The following OR9Q1 variants were observed in gnomAD, a reference collection of about 807,000 sequenced individuals.
The protein encoded by OR9Q1 is olfactory receptor 9Q1.
For synonymous variants in OR9Q1, 153 were observed against 148.6 expected (o/e 1.03, Z -0.22); for missense variants, 374 against 378.8 (o/e 0.99, Z 0.11).
At chr11:58,047,675 C>A (rs1490196342) in intron 1 of OR9Q1, 1 of 150,226 alleles carries the variant, frequency 6.7e-6, no homozygotes, top group African/African-American at 2.5e-5. Context: ...AGTTTCAGAC[C>A]AGCCTGGCCA....
Position 58,065,145 on chromosome 11 carries a change from C to T in OR9Q1, c.-15+9198C>T, listed in dbSNP as rs1853416068. ...CTATGGAGTGGACGGGACACGTAAA[C>T]AGGAAGACACATGGACTGGGATAGG... On this transcript the variant is annotated intron_variant, in intron 2 of 2. Coordinates refer to ENST00000335397, the MANE Select transcript of OR9Q1 (RefSeq NM_001005212.4). Among the ~76,000 whole-genome samples the T allele has an allele frequency of 1.3e-5, 2 of 152,070 alleles. 1 individual carries two copies. The highest frequency in any genetic ancestry group is 4.2e-4 in the South Asian group (2 of 4,798).
intron 2 of OR9Q1, among the ~76,000 whole-genome samples, chr11:58,139,201 T>C (rs566095447): frequency 3.9e-5 from 6 of 152,066 alleles, no homozygotes; most frequent in East Asian, 1.9e-4. Flanking sequence ...ATAAATGATA[T>C]TGGATAAAAA....
rs78731984 is a variant in OR9Q1, at chr11:58,106,331, T to C, written c.-15+50384T>C. On this transcript the variant is annotated intron_variant, in intron 2 of 2. Transcript: ENST00000335397. The stretch of plus-strand genomic sequence containing the variant: ...ATATATTCAGTTCCTTTGTCCATTT[T>C]TTAATTGTATTATTTATTTTATTAC... Among the ~76,000 whole-genome samples, 809 of 152,216 alleles carry C rather than the reference T, an allele frequency of 5.3e-3. 49 individuals carry two copies. The East Asian group carries it at 0.13, about 25-fold the overall frequency.
At chr11:58,115,698 A>G (rs887028812) in intron 2 of OR9Q1, among the ~76,000 whole-genome samples, 1 of 152,154 alleles carries the variant, frequency 6.6e-6, no homozygotes, top group African/African-American at 2.4e-5. Flanking sequence ...TCAGGCTTCC[A>G]TGCTAGTTTA....
chr11:58,130,002 G>A (rs1464883491), intron 2 of OR9Q1, among the ~76,000 whole-genome samples: 2 of 152,062 alleles, frequency 1.3e-5, no homozygotes, highest in African/African-American at 4.8e-5. Context: ...GTGCCATGGT[G>A]CTTTGCCATA....
intron 2 of OR9Q1, among the ~76,000 whole-genome samples, chr11:58,168,591 G>C (rs746304587): frequency 1.3e-4 from 19 of 151,672 alleles, no homozygotes; most frequent in Admixed American, 2.0e-4. Flanking sequence ...TTTATTTGTT[G>C]TTTTTTTTTT....
chr11:58,137,260 CAAT>C (rs1242571733), intron 2 of OR9Q1, among the ~76,000 whole-genome samples: 1 of 152,126 alleles, frequency 6.6e-6, no homozygotes, highest in Non-Finnish European at 1.5e-5. Context: ...GGTGGGCAGA[CAAT>C]AACGAGGAGC....
At chr11:58,074,998 G>A (rs573677148) in intron 2 of OR9Q1, among the ~76,000 whole-genome samples, 23 of 152,088 alleles carry the variant, frequency 1.5e-4, no homozygotes, top group Non-Finnish European at 2.1e-4. Flanking sequence ...ATGCTGTTTT[G>A]GTTACTGTAG....
chr11:58,029,437 T>C lies in OR9Q1; in HGVS notation c.-93+5333T>C, dbSNP rs537429472. ...ACAGCATCACTTCCCCCTTATTCTG[T>C]TGTTAAGCAGTCACAGAACCCAGAT... On this transcript the variant is annotated intron_variant, in intron 1 of 2. Coordinates refer to ENST00000335397, the MANE Select transcript of OR9Q1 (RefSeq NM_001005212.4). Among the ~76,000 whole-genome samples, 10 of 152,308 alleles carry C rather than the reference T, an allele frequency of 6.6e-5. No individual in the cohort carries two copies. The South Asian group carries it at 2.1e-3, about 32-fold the overall frequency.
At chr11:58,124,034 T>A (rs564074981) in intron 2 of OR9Q1, among the ~76,000 whole-genome samples, 1 of 152,352 alleles carries the variant, frequency 6.6e-6, no homozygotes, top group South Asian at 2.1e-4. Flanking sequence ...AATGGATGTT[T>A]ATCTAATATG....
intron 2 of OR9Q1, among the ~76,000 whole-genome samples, chr11:58,086,790 C>G (rs1853638105): frequency 6.6e-6 from 1 of 151,656 alleles, no homozygotes; most frequent in Admixed American, 6.6e-5. Context: ...TATGTGGAAT[C>G]TAAAAAGGTA....
intron 1 of OR9Q1, among the ~76,000 whole-genome samples, chr11:58,035,714 C>T (rs961236387): frequency 5.3e-5 from 8 of 152,212 alleles, no homozygotes; most frequent in South Asian, 2.1e-4. Flanking sequence ...TCTGACCTAT[C>T]GCATTTTCCA....
Position 58,083,935 on chromosome 11 carries a change from C to A in OR9Q1, c.-15+27988C>A, listed in dbSNP as rs564780426. Among the ~76,000 whole-genome samples the A allele has an allele frequency of 4.6e-5, 7 of 151,834 alleles. 1 individual carries two copies. The highest frequency in any genetic ancestry group is 1.7e-4 in the African/African-American group (7 of 41,282). Reference sequence around the variant, plus strand: ...TCATTTTACATATGATTGCTTTGACCATTTGGTCTCTTTTTTCTTCCATAT... The same window carrying A: ...TCATTTTACATATGATTGCTTTGACAATTTGGTCTCTTTTTTCTTCCATAT... On this transcript the variant is annotated intron_variant, in intron 2 of 2. Transcript: ENST00000335397.
intron 2 of OR9Q1, among the ~76,000 whole-genome samples, chr11:58,095,447 A>G (rs959016922): frequency 2.0e-5 from 3 of 152,340 alleles, no homozygotes; most frequent in East Asian, 3.9e-4. Flanking sequence ...TCCTGTGGCT[A>G]TGAAGAAATA....
chr11:58,089,447 A>G (rs1336076731), intron 2 of OR9Q1, among the ~76,000 whole-genome samples: 5 of 151,900 alleles, frequency 3.3e-5, no homozygotes, highest in Non-Finnish European at 7.3e-5. Flanking sequence ...GTCGAAGGTC[A>G]GATGGCTGTA....
chr11:58,024,596 C>T (rs1338788584), intron 1 of OR9Q1, among the ~76,000 whole-genome samples: 1 of 152,184 alleles, frequency 6.6e-6, no homozygotes, highest in African/African-American at 2.4e-5. Flanking sequence ...CCAGGGAGCA[C>T]CGTCTTTTGA....
At chr11:58,052,761 A>C (rs1414043158) in intron 1 of OR9Q1, among the ~76,000 whole-genome samples, 1 of 150,384 alleles carries the variant, frequency 6.6e-6, no homozygotes, top group African/African-American at 2.4e-5. Context: ...AGAAAAAAAC[A>C]AACAACCCCA....
chr11:58,064,148 A>C (rs1853406900), intron 2 of OR9Q1, among the ~76,000 whole-genome samples: 1 of 152,210 alleles, frequency 6.6e-6, no homozygotes, highest in Non-Finnish European at 1.5e-5. Context: ...AGTTAGTGAT[A>C]AAACCACCAT....
At chr11:58,153,125 C>A (rs61902801) in intron 2 of OR9Q1, among the ~76,000 whole-genome samples, 36,061 of 152,046 alleles carry the variant, frequency 0.24, 5,060 homozygotes, top group Middle Eastern at 0.39. Flanking sequence ...GGATTTTATC[C>A]TCTAAAAGAA....
Sources: allele counts gnomAD v4.1 joint callset (sites outside exome capture counted in the v4.1 genomes callset), GRCh38; gene constraint gnomAD v4.1.1; transcripts MANE v1.5; gene names NCBI Gene and HGNC (gene_info 2026-07-23, HGNC 2026-07-21).